The following ITGA9 variants were observed in gnomAD, a reference collection of about 807,000 sequenced individuals.
ITGA9 encodes the protein integrin alpha-9.
A neutral mutation model predicts 127.8 loss-of-function variants in ITGA9; 56 were observed. That is an observed-to-expected ratio of 0.44 (90% CI 0.35 to 0.55). ITGA9 has a LOEUF of 0.55. Among genes scored for constraint, ITGA9 ranks in the 20% least tolerant of loss-of-function variants. ITGA9 has a pLI of 0.00. For missense variants in ITGA9, 1,196 were observed against 1,347.1 expected, an observed-to-expected ratio of 0.89 and a Z score of 1.76; for synonymous variants, 508 against 514.5, an observed-to-expected ratio of 0.99 and a Z score of 0.17.
intron 26 of ITGA9, among the ~76,000 whole-genome samples, chr3:37,793,561 C>T (rs1331080539): frequency 6.6e-6 from 1 of 151,908 alleles, no homozygotes; most frequent in Admixed American, 6.6e-5. Context: ...GAATTTCCCA[C>T]GTGGACAAGG....
At chr3:37,677,112 A>T (rs912783800) in intron 17 of ITGA9, among the ~76,000 whole-genome samples, 1 of 152,054 alleles carries the variant, frequency 6.6e-6, no homozygotes, top group Non-Finnish European at 1.5e-5. Context: ...TATCAACTTC[A>T]TGGTTTATTT....
At chr3:37,600,658 A>C (rs1036057165) in intron 15 of ITGA9, among the ~76,000 whole-genome samples, 1 of 152,038 alleles carries the variant, frequency 6.6e-6, no homozygotes, top group Non-Finnish European at 1.5e-5. Flanking sequence ...CCTTCCCTTC[A>C]TGACTCACTG....
At chr3:37,757,402 C>G (rs1378854046) in intron 23 of ITGA9, among the ~76,000 whole-genome samples, 1 of 151,816 alleles carries the variant, frequency 6.6e-6, no homozygotes, top group African/African-American at 2.4e-5. Flanking sequence ...TTGGCTCATG[C>G]CTGTAATCCC....
intron 22 of ITGA9, chr3:37,748,266 G>A: frequency 2.0e-6 from 1 of 503,266 alleles, no homozygotes; most frequent in Non-Finnish European, 3.8e-6. Context: ...AAAAAGGAAG[G>A]CCCCGCAAGT....
chr3:37,630,559 G>A (rs931886061), intron 16 of ITGA9, among the ~76,000 whole-genome samples: 1 of 152,204 alleles, frequency 6.6e-6, no homozygotes, highest in East Asian at 1.9e-4. Flanking sequence ...CTGTGGGGGG[G>A]AAGGGAAGTG....
chr3:37,461,304 G>A (rs955429314), intron 1 of ITGA9, among the ~76,000 whole-genome samples: 2 of 152,186 alleles, frequency 1.3e-5, no homozygotes, highest in African/African-American at 4.8e-5. Flanking sequence ...CCCTCAGCCT[G>A]CCTTACTCAG....
intron 14 of ITGA9, among the ~76,000 whole-genome samples, chr3:37,534,610 A>T (rs189371073): frequency 6.6e-6 from 1 of 152,370 alleles, no homozygotes; most frequent in Middle Eastern, 3.4e-3. Context: ...CTCATTGGCA[A>T]TTTCTCTTGA....
intron 18 of ITGA9, among the ~76,000 whole-genome samples, chr3:37,724,312 C>T (rs533727262): frequency 2.2e-4 from 34 of 152,176 alleles, no homozygotes; most frequent in Non-Finnish European, 4.0e-4. Flanking sequence ...AAGACCTACC[C>T]TAGAGTCACC....
At chr3:37,513,083 C>G in intron 8 of ITGA9, among the ~76,000 whole-genome samples, 1 of 152,178 alleles carries the variant, frequency 6.6e-6, no homozygotes, top group Non-Finnish European at 1.5e-5. Flanking sequence ...AACCTATTTC[C>G]CCATGTAACA....
chr3:37,808,199 G>A (rs946730477), intron 27 of ITGA9: 1 of 152,172 alleles, frequency 6.6e-6, no homozygotes, highest in Non-Finnish European at 1.5e-5. Flanking sequence ...GCATCTCAAG[G>A]ACTACTAGCC....
intron 1 of ITGA9, among the ~76,000 whole-genome samples, chr3:37,454,700 C>T (rs539230175): frequency 2.0e-5 from 3 of 152,214 alleles, no homozygotes; most frequent in African/African-American, 2.4e-5. Context: ...CTCCCTCACC[C>T]ACCATATTGA....
At chr3:37,633,609 A>C (rs1700249224) in intron 16 of ITGA9, among the ~76,000 whole-genome samples, 1 of 152,214 alleles carries the variant, frequency 6.6e-6, no homozygotes, top group African/African-American at 2.4e-5. Context: ...AGAATATTTG[A>C]ACTAAAATTA....
chr3:37,778,350 G>A (rs1276179454), intron 24 of ITGA9, among the ~76,000 whole-genome samples: 1 of 152,132 alleles, frequency 6.6e-6, no homozygotes, highest in Non-Finnish European at 1.5e-5. Flanking sequence ...CGGGCACGGT[G>A]GCTCATGCCT....
chr3:37,749,012 G>A (rs1055344242), intron 22 of ITGA9: 3 of 443,676 alleles, frequency 6.8e-6, no homozygotes, highest in Admixed American at 3.7e-5. Flanking sequence ...TATTGCTGCT[G>A]TAACAAATTA....
At chr3:37,706,737 T>A (rs1175707842) in intron 18 of ITGA9, among the ~76,000 whole-genome samples, 1 of 152,104 alleles carries the variant, frequency 6.6e-6, no homozygotes, top group Non-Finnish European at 1.5e-5. Context: ...CAGAAAGAAG[T>A]GACACAGAAC....
At chr3:37,476,632 C>T in intron 3 of ITGA9, among the ~76,000 whole-genome samples, 1 of 152,160 alleles carries the variant, frequency 6.6e-6, no homozygotes, top group East Asian at 1.9e-4. Flanking sequence ...TCTGCCCCTG[C>T]CCCACTCTGT....
chr3:37,686,014 G>T (rs527997031), intron 18 of ITGA9, among the ~76,000 whole-genome samples: 2 of 152,120 alleles, frequency 1.3e-5, no homozygotes, highest in Non-Finnish European at 2.9e-5. Context: ...CTGTATTTAG[G>T]TTATTCCCAG....
At chr3:37,518,091 C>CGTGTGTGTGTGTGTGTGTGTGTGTGT (rs1491416800) in intron 10 of ITGA9, among the ~76,000 whole-genome samples, 2 of 51,850 alleles carry the variant, frequency 3.9e-5, no homozygotes, top group Non-Finnish European at 8.8e-5. Flanking sequence ...TGAGAGTGTA[C>CGTGTGTGTGTGTGTGTGTGTGTGTGT]GCGTGTGTGT....
In ITGA9 at chr3:37,741,758, C is replaced by T. The variant is rs1168108635; in HGVS notation, c.2263C>T (p.His755Tyr). The change falls in exon 21 of 28, where the codon CAT becomes TAT. Residue 755 changes from histidine to tyrosine, a missense_variant. By Grantham distance (83) the His-to-Tyr change is moderately conservative (BLOSUM62 2). Coordinates refer to ENST00000264741, the MANE Select transcript of ITGA9 (RefSeq NM_002207.3). ...CAACACGGAGCGCTCTGAATCCCTGCATGACAACACCCTCGTGCTGATGGT... is the reference window on the plus strand; with the variant it reads ...CAACACGGAGCGCTCTGAATCCCTGTATGACAACACCCTCGTGCTGATGGT... ...SGNTERSESLHDNTLVLMVPL... is the reference protein window; with the variant it reads ...SGNTERSESLYDNTLVLMVPL... 4.3e-6 allele frequency: 7 copies of T among 1,613,872 alleles called. No individual in the cohort carries two copies. The highest frequency in any genetic ancestry group is 5.9e-6 in the Non-Finnish European group (7 of 1,179,872).
Sources: allele counts gnomAD v4.1 joint callset (sites outside exome capture counted in the v4.1 genomes callset), GRCh38; gene constraint gnomAD v4.1.1; transcripts MANE v1.5; gene names NCBI Gene and HGNC (gene_info 2026-07-23, HGNC 2026-07-21).